The following CTNNA3 variants were observed in gnomAD, a reference collection of about 807,000 sequenced individuals.
The protein encoded by CTNNA3 is catenin alpha-3.
CTNNA3 carries 76 observed loss-of-function variants against 95.7 expected under a neutral mutation model. That is an observed-to-expected ratio of 0.79 (90% CI 0.66 to 0.96). The LOEUF is 0.96. Ranked by LOEUF, CTNNA3 falls within the 40% of genes least tolerant of loss-of-function variation. The pLI is 0.00. For missense variants in CTNNA3, 1,191 were observed against 1,089.8 expected (o/e 1.09, Z -1.31); for synonymous variants, 431 against 374.4 (o/e 1.15, Z -1.74).
intron 5 of CTNNA3, among the ~76,000 whole-genome samples, chr10:67,372,793 C>T (rs1843530368): frequency 6.6e-6 from 1 of 152,198 alleles, no homozygotes. Flanking sequence ...AGAAACTCTA[C>T]AAGCCAGAAG....
At chr10:66,857,329 G>A (rs1386767489) in intron 7 of CTNNA3, among the ~76,000 whole-genome samples, 1 of 151,740 alleles carries the variant, frequency 6.6e-6, no homozygotes, top group African/African-American at 2.4e-5. Flanking sequence ...TTGAAATCAG[G>A]TAATGTGATG....
At chr10:67,520,019 A>T (rs942125088) in intron 5 of CTNNA3, among the ~76,000 whole-genome samples, 3 of 152,178 alleles carry the variant, frequency 2.0e-5, no homozygotes, top group Non-Finnish European at 4.4e-5. Flanking sequence ...TTTGAAGCCC[A>T]GTTTCACGCC....
chr10:67,686,940 T>C (rs1444528664), intron 1 of CTNNA3, among the ~76,000 whole-genome samples: 2 of 152,110 alleles, frequency 1.3e-5, no homozygotes, highest in African/African-American at 4.8e-5. Flanking sequence ...CCCATATTCA[T>C]AGATAATAGC....
At chr10:66,444,576 G>T (rs2093403290) in intron 11 of CTNNA3, among the ~76,000 whole-genome samples, 1 of 152,168 alleles carries the variant, frequency 6.6e-6, no homozygotes, top group East Asian at 1.9e-4. Context: ...GCCAAACTAA[G>T]CTTCATAAGT....
At chr10:67,694,258 G>A (rs952394665) in intron 1 of CTNNA3, among the ~76,000 whole-genome samples, 2 of 152,050 alleles carry the variant, frequency 1.3e-5, no homozygotes, top group Non-Finnish European at 2.9e-5. Context: ...TTTATTGAGT[G>A]GAAATTTTGT....
intron 11 of CTNNA3, among the ~76,000 whole-genome samples, chr10:66,482,552 T>C (rs769430813): frequency 1.4e-5 from 2 of 139,084 alleles, no homozygotes; most frequent in Non-Finnish European, 2.9e-5. Flanking sequence ...CAATATATTA[T>C]AATAATAATA....
intron 3 of CTNNA3, among the ~76,000 whole-genome samples, chr10:67,558,570 G>A (rs774923810): frequency 3.5e-4 from 53 of 152,340 alleles, no homozygotes; most frequent in Middle Eastern, 3.4e-3. Context: ...CGCAGAAGAC[G>A]GGTGATTTCT....
chr10:66,896,980 A>C (rs1156646601), intron 7 of CTNNA3, among the ~76,000 whole-genome samples: 1 of 152,142 alleles, frequency 6.6e-6, no homozygotes, highest in African/African-American at 2.4e-5. Flanking sequence ...CTGCATCTGA[A>C]GCTCCATTCT....
rs1386058931 is a variant in CTNNA3 at position 66,479,446 on chromosome 10, TG to T, written c.1531+41170del. ...TTTCACACACAAATCAAAAACATATTGTGATATTAATTTAAAATTCTTTAAA... is the reference window on the plus strand; with the variant it reads ...TTTCACACACAAATCAAAAACATATTTGATATTAATTTAAAATTCTTTAAA... On this transcript the variant is annotated intron_variant, in intron 11 of 17. Transcript: ENST00000433211. Among the ~76,000 whole-genome samples, 175 of 152,184 alleles carry T rather than the reference TG, an allele frequency of 1.1e-3. 1 individual carries two copies. The highest frequency in any genetic ancestry group is 4.0e-3 in the African/African-American group (168 of 41,560).
At chr10:66,457,833 G>C (rs576707863) in intron 11 of CTNNA3, among the ~76,000 whole-genome samples, 1 of 152,070 alleles carries the variant, frequency 6.6e-6, no homozygotes, top group African/African-American at 2.4e-5. Flanking sequence ...CAGATAAGCA[G>C]CTTTATACTT....
chr10:67,297,615 GA>G (rs1355687982), intron 5 of CTNNA3, among the ~76,000 whole-genome samples: 1 of 152,216 alleles, frequency 6.6e-6, no homozygotes, highest in Non-Finnish European at 1.5e-5. Context: ...GACTGAAGAA[GA>G]GGCAGAGAAA....
intron 7 of CTNNA3, among the ~76,000 whole-genome samples, chr10:66,911,200 C>T (rs1055815043): frequency 6.6e-5 from 10 of 152,090 alleles, no homozygotes; most frequent in Admixed American, 3.9e-4. Flanking sequence ...TAATAAAGAC[C>T]GTTCTATACA....
intron 7 of CTNNA3, among the ~76,000 whole-genome samples, chr10:66,922,842 G>A (rs1051765236): frequency 2.0e-5 from 3 of 151,988 alleles, no homozygotes; most frequent in African/African-American, 4.8e-5. Context: ...TACATAGTAA[G>A]TGTGCATGTT....
intron 5 of CTNNA3, among the ~76,000 whole-genome samples, chr10:67,273,106 G>A (rs1416043998): frequency 2.0e-5 from 3 of 152,012 alleles, no homozygotes; most frequent in Admixed American, 6.6e-5. Flanking sequence ...TGAGACTATG[G>A]AGAAGTCACA....
chr10:66,098,686 T>C (rs897096451), intron 14 of CTNNA3: 1 of 152,190 alleles, frequency 6.6e-6, no homozygotes, highest in African/African-American at 2.4e-5. Flanking sequence ...GATGCCTATT[T>C]TATTCTGGCT....
intron 11 of CTNNA3, among the ~76,000 whole-genome samples, chr10:66,382,256 A>C (rs934727340): frequency 4.6e-5 from 7 of 152,180 alleles, no homozygotes; most frequent in African/African-American, 1.7e-4. Flanking sequence ...AGGTTTTAGC[A>C]ACCAGCAGAA....
chr10:67,696,948 C>A (rs1840976391), upstream of CTNNA3, among the ~76,000 whole-genome samples: 1 of 152,162 alleles, frequency 6.6e-6, no homozygotes. Context: ...GAGGTGCTAA[C>A]TAAAATATGA....
intron 15 of CTNNA3, among the ~76,000 whole-genome samples, chr10:66,035,060 A>G (rs1402474486): frequency 6.6e-6 from 1 of 152,150 alleles, no homozygotes; most frequent in Non-Finnish European, 1.5e-5. Flanking sequence ...TTTGAATCTC[A>G]GTGCTATTTA....
chr10:66,106,308 A>G (rs192061215), intron 13 of CTNNA3, among the ~76,000 whole-genome samples: 1 of 149,914 alleles, frequency 6.7e-6, no homozygotes, highest in Admixed American at 6.7e-5. Flanking sequence ...TATCTGGTAA[A>G]CATCTGGAAG....
Sources: gnomAD v4.1 joint callset for allele counts (sites outside exome capture counted in the v4.1 genomes callset) on GRCh38, gnomAD v4.1.1 for gene constraint, MANE v1.5 for transcripts, NCBI Gene and HGNC (gene_info 2026-07-23, HGNC 2026-07-21) for gene names.